PAM: variants seen among roughly 807,000 people sequenced by gnomAD.
PAM encodes the protein peptidyl-glycine alpha-amidating monooxygenase.
A neutral mutation model predicts 122.1 loss-of-function variants in PAM; 72 were observed. The observed-to-expected ratio is 0.59, with a 90% CI of 0.49 to 0.72. The LOEUF (loss-of-function observed/expected upper bound fraction) is 0.72. PAM is among the 30% of genes least tolerant of loss of function. PAM has a pLI of 0.00. For missense variants in PAM, 1,106 were observed against 1,183.7 expected, an observed-to-expected ratio of 0.93 and a Z score of 0.96; for synonymous variants, 389 against 404.4, an observed-to-expected ratio of 0.96 and a Z score of 0.46.
At chr5:102,854,235 A>C (rs1782046653) in intron 1 of PAM, among the ~76,000 whole-genome samples, 1 of 152,250 alleles carries the variant, frequency 6.6e-6, no homozygotes, top group African/African-American at 2.4e-5. Context: ...GCAAATACTC[A>C]AAAACTATTA....
chr5:103,017,399 T>A lies in PAM; in HGVS notation c.2397T>A (p.His799Gln). The change falls in exon 22 of 26, where the codon CAT becomes CAA. Residue 799 changes from histidine (H) to glutamine (Q), a missense_variant. His to Gln is a conservative substitution (Grantham distance 24). Transcript: ENST00000438793. ...EDGTVYIGDA[H>Q]TNTVWKFTLT... ...GGACTGTGTACATTGGAGATGCTCA[T>A]ACCAACACCGTGTGGAAGTTCACCT... is the stretch of plus-strand genomic sequence containing the variant. 1 of 1,609,734 alleles carries A rather than the reference T, an allele frequency of 6.2e-7. No homozygotes were observed. The highest frequency in any genetic ancestry group is 8.5e-7 in the Non-Finnish European group (1 of 1,176,142).
chr5:102,926,730 C>A, intron 7 of PAM, 62 bp downstream of exon 7: 1 of 831,180 alleles, frequency 1.2e-6, no homozygotes, highest in Non-Finnish European at 2.1e-6. Flanking sequence ...AAAATACATG[C>A]ACAAACTATT....
intron 4 of PAM, among the ~76,000 whole-genome samples, chr5:102,902,794 T>G (rs1281900034): frequency 2.0e-5 from 3 of 151,458 alleles, no homozygotes; most frequent in Non-Finnish European, 3.0e-5. Context: ...ACACCAGCTA[T>G]GAAGAGAAGG....
intron 7 of PAM, 150 bp from the exon 8 acceptor site, chr5:102,946,687 G>A: frequency 1.6e-6 from 1 of 613,312 alleles, no homozygotes; most frequent in African/African-American, 1.9e-5. Context: ...TACTGGATAT[G>A]AAAGTACTTA....
chr5:102,847,271 T>G (rs1780175235), intron 1 of PAM, among the ~76,000 whole-genome samples: 2 of 152,078 alleles, frequency 1.3e-5, no homozygotes, highest in African/African-American at 4.8e-5. Context: ...AAAGCCTGTC[T>G]CTACTAAAAA....
chr5:102,938,408 G>T (rs1386201149), intron 7 of PAM, among the ~76,000 whole-genome samples: 1 of 152,070 alleles, frequency 6.6e-6, no homozygotes, highest in Non-Finnish European at 1.5e-5. Context: ...CTTTTTTAAA[G>T]AATATATTCA....
intron 1 of PAM, among the ~76,000 whole-genome samples, chr5:102,830,099 T>C (rs970871449): frequency 1.3e-5 from 2 of 152,196 alleles, no homozygotes; most frequent in Non-Finnish European, 2.9e-5. Context: ...GCAGCTGCCA[T>C]GCACTGGTGT....
intron 16 of PAM, among the ~76,000 whole-genome samples, chr5:102,990,629 A>G (rs1447854252): frequency 2.6e-5 from 4 of 152,204 alleles, no homozygotes; most frequent in Non-Finnish European, 5.9e-5. Flanking sequence ...TGGAAAGAAG[A>G]CAGTAACAAT....
At chr5:102,892,216 C>G (rs1015837369) in intron 3 of PAM, among the ~76,000 whole-genome samples, 16 of 151,826 alleles carry the variant, frequency 1.1e-4, no homozygotes, top group African/African-American at 3.9e-4. Flanking sequence ...ACTGAAGCTA[C>G]TGCAACCATC....
chr5:102,859,059 C>G (rs1234799425), intron 1 of PAM, among the ~76,000 whole-genome samples: 1 of 151,966 alleles, frequency 6.6e-6, no homozygotes, highest in Non-Finnish European at 1.5e-5. Context: ...GTGTATAGTA[C>G]GTAATACTTG....
chr5:102,971,479 T>C (rs1393061387), intron 14 of PAM, among the ~76,000 whole-genome samples: 1 of 152,196 alleles, frequency 6.6e-6, no homozygotes, highest in Non-Finnish European at 1.5e-5. Context: ...ACCAGAGTGC[T>C]ATAGGTGCAC....
chr5:102,959,591 A>C (rs1181819184), intron 12 of PAM, among the ~76,000 whole-genome samples: 3 of 152,086 alleles, frequency 2.0e-5, no homozygotes, highest in African/African-American at 7.2e-5. Flanking sequence ...AAAAGAAAGT[A>C]CCATATTCCC....
intron 1 of PAM, among the ~76,000 whole-genome samples, chr5:102,763,117 C>T (rs1396846777): frequency 6.6e-6 from 1 of 152,084 alleles, no homozygotes; most frequent in Non-Finnish European, 1.5e-5. Flanking sequence ...TTGTCTAGTT[C>T]CCTAATTAAA....
intron 15 of PAM, among the ~76,000 whole-genome samples, chr5:102,981,327 T>C (rs779177366): frequency 6.6e-6 from 1 of 152,252 alleles, no homozygotes; most frequent in African/African-American, 2.4e-5. Context: ...TAGCTCCCAG[T>C]ACCTAGTTGG....
At chr5:102,868,392 T>C (rs769753520) in intron 3 of PAM, among the ~76,000 whole-genome samples, 9 of 152,212 alleles carry the variant, frequency 5.9e-5, no homozygotes, top group Non-Finnish European at 1.0e-4. Context: ...AGAATTGGCA[T>C]TCATTTATTT....
chr5:102,833,176 G>A (rs554418556), intron 1 of PAM, among the ~76,000 whole-genome samples: 1 of 152,216 alleles, frequency 6.6e-6, no homozygotes, highest in African/African-American at 2.4e-5. Context: ...GGCAAATTTT[G>A]TGCACATCAT....
chr5:102,803,307 G>A (rs1765387495), intron 1 of PAM, among the ~76,000 whole-genome samples: 1 of 152,164 alleles, frequency 6.6e-6, no homozygotes, highest in African/African-American at 2.4e-5. Context: ...AGTAGGATAA[G>A]ATGGTAGCTA....
intron 3 of PAM, among the ~76,000 whole-genome samples, chr5:102,875,400 C>G (rs953059535): frequency 6.6e-6 from 1 of 151,982 alleles, no homozygotes; most frequent in African/African-American, 2.4e-5. Flanking sequence ...TGCTGTGTTT[C>G]CCAGGCTGGT....
chr5:102,954,457 A>T (rs1394182171), intron 12 of PAM, among the ~76,000 whole-genome samples: 1 of 151,832 alleles, frequency 6.6e-6, no homozygotes, highest in Non-Finnish European at 1.5e-5. Flanking sequence ...AAACTACTTT[A>T]AAAGTAGGTA....
Sources: allele counts gnomAD v4.1 joint callset (sites outside exome capture counted in the v4.1 genomes callset), GRCh38; gene constraint gnomAD v4.1.1; transcripts MANE v1.5; gene names NCBI Gene and HGNC (gene_info 2026-07-23, HGNC 2026-07-21).